DIAPH3: variants seen among roughly 807,000 people sequenced by gnomAD.
DIAPH3 encodes diaphanous related formin 3.
DIAPH3 carries 117 observed loss-of-function variants against 144.3 expected under a neutral mutation model. That is an observed-to-expected ratio of 0.81 (90% CI 0.70 to 0.95). The LOEUF is 0.95. Among genes scored for constraint, DIAPH3 ranks in the 40% least tolerant of loss-of-function variants. The probability of loss-of-function intolerance (pLI) is 0.00; values close to 1 mark genes in which losing one functional copy is unlikely to be tolerated. For missense variants in DIAPH3, 1,421 were observed against 1,412.7 expected, an observed-to-expected ratio of 1.01 and a Z score of -0.09; for synonymous variants, 519 against 488.9, an observed-to-expected ratio of 1.06 and a Z score of -0.81.
Position 59,974,351 on chromosome 13 carries a change from C to T in DIAPH3, c.1650+1G>A. On this transcript the variant is annotated splice_donor_variant, in intron 15 of 27. Transcript: ENST00000400324. LOFTEE classifies it high-confidence loss of function. ...CAAATTCACTCAGAGTGGAATTTTACCTGAGACTTAAAAGCTTGTAGCTCT... is the reference window on the plus strand; with the variant it reads ...CAAATTCACTCAGAGTGGAATTTTATCTGAGACTTAAAAGCTTGTAGCTCT... 1 of 1,611,356 alleles carries T rather than the reference C, an allele frequency of 6.2e-7. No homozygotes were observed. The highest frequency in any genetic ancestry group is 8.5e-7 in the Non-Finnish European group (1 of 1,178,702).
At chr13:60,034,290 A>G (rs1164241990) in intron 5 of DIAPH3, among the ~76,000 whole-genome samples, 1 of 152,258 alleles carries the variant, frequency 6.6e-6, no homozygotes, top group Non-Finnish European at 1.5e-5. Flanking sequence ...ACAATTAAAA[A>G]GAAAGAAAGT....
At chr13:60,014,831 T>G (rs1008586164) in intron 7 of DIAPH3, among the ~76,000 whole-genome samples, 1 of 152,202 alleles carries the variant, frequency 6.6e-6, no homozygotes, top group Non-Finnish European at 1.5e-5. Flanking sequence ...TGTGTTTAGA[T>G]GCTGGAGCTT....
intron 27 of DIAPH3, among the ~76,000 whole-genome samples, chr13:59,709,557 A>G (rs537579376): frequency 6.6e-6 from 1 of 152,368 alleles, no homozygotes; most frequent in East Asian, 1.9e-4. Flanking sequence ...ACCATCTCAC[A>G]CCAGTTAGAA....
In DIAPH3 at chr13:59,992,459, T is replaced by A. The variant is rs778861805; in HGVS notation, c.1125+14A>T. ...TTAATTTAAATATTAATAAGGAGACTGCAGGGCACTTACTGGCAATATCTC... is the reference window on the plus strand; with the variant it reads ...TTAATTTAAATATTAATAAGGAGACAGCAGGGCACTTACTGGCAATATCTC... On this transcript the variant is annotated intron_variant, in intron 10 of 27. Coordinates refer to ENST00000400324, the MANE Select transcript of DIAPH3 (RefSeq NM_001042517.2). 1.3e-6 allele frequency: 2 copies of A among 1,592,170 alleles called. No homozygotes were observed. Among genetic ancestry groups the A allele is most frequent in the East Asian group, 2.3e-5 (1 of 44,316 alleles).
chr13:59,750,344 T>C (rs1462342547), intron 27 of DIAPH3, among the ~76,000 whole-genome samples: 1 of 152,192 alleles, frequency 6.6e-6, no homozygotes, highest in Non-Finnish European at 1.5e-5. Context: ...GAGGATATAA[T>C]AGTATAAATA....
chr13:60,128,008 G>C (rs2059033168), intron 2 of DIAPH3, among the ~76,000 whole-genome samples: 1 of 151,966 alleles, frequency 6.6e-6, no homozygotes, highest in Admixed American at 6.6e-5. Context: ...GCCAGGTACT[G>C]GTCCTAGTAC....
chr13:59,814,869 A>G (rs1811810101), intron 24 of DIAPH3, among the ~76,000 whole-genome samples: 1 of 152,192 alleles, frequency 6.6e-6, no homozygotes, highest in Non-Finnish European at 1.5e-5. Flanking sequence ...GATAACCACC[A>G]TTCTATTCTC....
At chr13:60,006,105 C>T (rs575869420) in intron 9 of DIAPH3, among the ~76,000 whole-genome samples, 2 of 152,220 alleles carry the variant, frequency 1.3e-5, no homozygotes, top group African/African-American at 4.8e-5. Flanking sequence ...TTTTTTAAAT[C>T]AACGTAGTTT....
At chr13:59,981,405 T>C (rs1481148117) in intron 13 of DIAPH3, among the ~76,000 whole-genome samples, 1 of 151,204 alleles carries the variant, frequency 6.6e-6, no homozygotes, top group Non-Finnish European at 1.5e-5. Context: ...AACTAGGCAA[T>C]ATATACTAAA....
intron 27 of DIAPH3, among the ~76,000 whole-genome samples, chr13:59,717,675 A>T (rs1327335079): frequency 6.6e-6 from 1 of 152,204 alleles, no homozygotes; most frequent in East Asian, 1.9e-4. Context: ...TATGCAAAAT[A>T]CTGGTTGGCT....
intron 13 of DIAPH3, among the ~76,000 whole-genome samples, chr13:59,982,987 A>C (rs750764815): frequency 7.9e-5 from 12 of 151,496 alleles, no homozygotes; most frequent in Non-Finnish European, 1.8e-4. Context: ...TTTCCACTTA[A>C]AAACTCAAAT....
intron 27 of DIAPH3, among the ~76,000 whole-genome samples, chr13:59,668,823 A>C (rs960824047): frequency 3.6e-5 from 5 of 138,696 alleles, no homozygotes; most frequent in Admixed American, 3.0e-4. Context: ...ATATATATAC[A>C]CATATATATA....
intron 22 of DIAPH3, among the ~76,000 whole-genome samples, chr13:59,860,810 A>T (rs774028020): frequency 1.3e-5 from 2 of 152,152 alleles, no homozygotes; most frequent in Non-Finnish European, 2.9e-5. Flanking sequence ...TATTTAAATC[A>T]TATTATAACC....
At chr13:60,084,446 T>G (rs189476177) in intron 4 of DIAPH3, among the ~76,000 whole-genome samples, 51 of 152,092 alleles carry the variant, frequency 3.4e-4, no homozygotes, top group Admixed American at 3.3e-3. Flanking sequence ...AATTTAAAGA[T>G]GCTGTAAGAT....
At position 59,976,481 on chromosome 13, in the gene DIAPH3, T is replaced by C. The variant is rs184441195; in HGVS notation, c.1546-2025A>G. ...CTGATGACTACCATGCAGAACAATA[T>C]AGATTATAAAACATTTCCACCATCC... On this transcript the variant is annotated intron_variant, in intron 14 of 27. Coordinates refer to ENST00000400324, the MANE Select transcript of DIAPH3 (RefSeq NM_001042517.2). 1.1e-4 allele frequency among the ~76,000 whole-genome samples: 16 copies of C among 152,032 alleles called. No individual in the cohort carries two copies. In the East Asian group the frequency reaches 2.7e-3, roughly 26 times the overall value.
chr13:59,982,702 C>T (rs1211584675), intron 13 of DIAPH3, among the ~76,000 whole-genome samples: 2 of 151,612 alleles, frequency 1.3e-5, no homozygotes, highest in Non-Finnish European at 3.0e-5. Context: ...CATATCATAT[C>T]AATTAACTTG....
intron 2 of DIAPH3, among the ~76,000 whole-genome samples, chr13:60,113,273 A>C (rs2058618042): frequency 6.6e-6 from 1 of 152,210 alleles, no homozygotes; most frequent in Non-Finnish European, 1.5e-5. Flanking sequence ...GAACATTTCC[A>C]TCATTGCAAA....
chr13:59,679,226 G>A (rs2032805879), intron 27 of DIAPH3, among the ~76,000 whole-genome samples: 1 of 152,194 alleles, frequency 6.6e-6, no homozygotes, highest in South Asian at 2.1e-4. Context: ...AAACACCAAA[G>A]TTTGATTCCT....
At chr13:59,732,748 C>G (rs772517579) in intron 27 of DIAPH3, among the ~76,000 whole-genome samples, 3 of 151,946 alleles carry the variant, frequency 2.0e-5, no homozygotes, top group Non-Finnish European at 2.9e-5. Context: ...ACTGTGCTGG[C>G]CTGATAGATA....
Sources: allele counts gnomAD v4.1 joint callset (sites outside exome capture counted in the v4.1 genomes callset), GRCh38; gene constraint gnomAD v4.1.1; transcripts MANE v1.5; gene names NCBI Gene and HGNC (gene_info 2026-07-23, HGNC 2026-07-21).